The following EVI5 variants were observed in gnomAD, a reference collection of about 807,000 sequenced individuals.
EVI5 encodes ecotropic viral integration site 5, also known as ecotropic viral integration site 5 protein homolog.
In EVI5, 73 loss-of-function variants were observed where a neutral mutation model predicts 112.0. That is an observed-to-expected ratio of 0.65 (90% confidence interval 0.54 to 0.79). The LOEUF (loss-of-function observed/expected upper bound fraction) is 0.79, where lower values mean the gene tolerates loss of function less well. Ranked by LOEUF, EVI5 falls within the 30% of genes least tolerant of loss-of-function variation. The pLI is 0.00. For synonymous variants in EVI5, 305 were observed against 319.9 expected, an observed-to-expected ratio of 0.95 and a Z score of 0.50; for missense variants, 900 against 968.8, an observed-to-expected ratio of 0.93 and a Z score of 0.94.
chr1:92,726,237 A>G (rs898366936), intron 2 of EVI5, among the ~76,000 whole-genome samples: 9 of 152,196 alleles, frequency 5.9e-5, no homozygotes, highest in Admixed American at 2.0e-4. Context: ...AGAAACATGG[A>G]AAAAACAATG....
Position 92,624,280 on chromosome 1 carries a change from T to G in EVI5, c.1723A>C (p.Met575Leu). ...ATCAGTTCATCTTGTAACTCATTCATAGCATTTTTCTTGGGTGGGTCTTTC... is the reference window on the plus strand; with the variant it reads ...ATCAGTTCATCTTGTAACTCATTCAGAGCATTTTTCTTGGGTGGGTCTTTC... ...RWKDPPKKNA[M>L]NELQDELMTI... The change falls in exon 16 of 20, where the codon ATG (methionine) becomes CTG (leucine). Residue 575 changes from methionine to leucine, a missense_variant. Coordinates refer to ENST00000684568, the MANE Select transcript of EVI5 (RefSeq NM_001350197.2). The G allele has an allele frequency of 6.2e-7, 1 of 1,613,440 alleles. No homozygotes were observed. The highest frequency in any genetic ancestry group is 8.5e-7 in the Non-Finnish European group (1 of 1,179,400).
At chr1:92,650,492 T>C (rs1661896371) in intron 13 of EVI5, among the ~76,000 whole-genome samples, 1 of 152,178 alleles carries the variant, frequency 6.6e-6, no homozygotes. Context: ...CTTCTCTAGT[T>C]ATTCATTGCT....
upstream of EVI5, among the ~76,000 whole-genome samples, chr1:92,785,646 C>G (rs893434528): frequency 6.6e-6 from 1 of 152,198 alleles, no homozygotes; most frequent in Non-Finnish European, 1.5e-5. Context: ...AAGATTCAGC[C>G]GGGCAGCCCT....
chr1:92,630,375 T>A (rs374024844), intron 14 of EVI5, among the ~76,000 whole-genome samples: 1 of 152,214 alleles, frequency 6.6e-6, no homozygotes, highest in Non-Finnish European at 1.5e-5. Flanking sequence ...TGGTATGAGA[T>A]GGTATCTCAT....
At chr1:92,549,714 G>A (rs981927863) in intron 19 of EVI5, among the ~76,000 whole-genome samples, 9 of 152,068 alleles carry the variant, frequency 5.9e-5, no homozygotes, top group South Asian at 2.1e-4. Context: ...TTCTCAAAAG[G>A]AGACATTTAT....
intron 15 of EVI5, among the ~76,000 whole-genome samples, chr1:92,624,541 T>A (rs1373139849): frequency 6.6e-6 from 1 of 151,712 alleles, no homozygotes; most frequent in Non-Finnish European, 1.5e-5. Flanking sequence ...CTTAAGTATA[T>A]TTAAGATAGA....
At chr1:92,703,167 T>G (rs999567717) in intron 4 of EVI5, among the ~76,000 whole-genome samples, 2 of 152,174 alleles carry the variant, frequency 1.3e-5, no homozygotes, top group African/African-American at 4.8e-5. Flanking sequence ...TTTTAAGCTA[T>G]TCCATTTCCA....
At position 92,757,272 on chromosome 1, in the gene EVI5, T is replaced by G. The variant is rs535029383; in HGVS notation, c.-81-20645A>C. 5.7e-4 allele frequency among the ~76,000 whole-genome samples: 87 copies of G among 152,342 alleles called. 1 individual carries two copies. The South Asian group carries it at 0.018, about 31-fold the overall frequency. ...ACAGAAAATTTGGACAGACTCCAATTTGCCGTTTTGAGATTTGACCTATGG... is the reference window on the plus strand; with the variant it reads ...ACAGAAAATTTGGACAGACTCCAATGTGCCGTTTTGAGATTTGACCTATGG... On this transcript the variant is annotated intron_variant, in intron 1 of 19. Coordinates refer to ENST00000684568, the MANE Select transcript of EVI5 (RefSeq NM_001350197.2).
chr1:92,760,618 C>T (rs1033977889), intron 1 of EVI5, among the ~76,000 whole-genome samples: 3 of 151,812 alleles, frequency 2.0e-5, no homozygotes, highest in South Asian at 2.1e-4. Context: ...CCTGTAATCC[C>T]AGCTTCTTGA....
intron 9 of EVI5, among the ~76,000 whole-genome samples, chr1:92,691,429 A>G (rs1419380495): frequency 6.6e-6 from 1 of 152,212 alleles, no homozygotes; most frequent in African/African-American, 2.4e-5. Flanking sequence ...ACAGACAATA[A>G]GCAATGGATA....
intron 18 of EVI5, among the ~76,000 whole-genome samples, chr1:92,596,131 T>C (rs1278163036): frequency 6.6e-6 from 1 of 151,936 alleles, no homozygotes; most frequent in Admixed American, 6.6e-5. Flanking sequence ...TCAAGGTGAG[T>C]GCACTGCTTG....
At chr1:92,592,683 AAAG>A (rs1443421444) in intron 18 of EVI5, among the ~76,000 whole-genome samples, 3 of 152,192 alleles carry the variant, frequency 2.0e-5, no homozygotes, top group African/African-American at 7.2e-5. Context: ...CAAGACTAAT[AAAG>A]AAGAAAAGAG....
rs557205928 is a variant in EVI5, at chr1:92,620,141, T to C, written c.1827+4035A>G. Among the ~76,000 whole-genome samples the C allele has an allele frequency of 1.7e-3, 258 of 152,134 alleles. 1 individual carries two copies. Among genetic ancestry groups the C allele is most frequent in the African/African-American group, 5.5e-3 (230 of 41,510 alleles). On this transcript the variant is annotated intron_variant, in intron 16 of 19. Coordinates refer to ENST00000684568, the MANE Select transcript of EVI5 (RefSeq NM_001350197.2). ...GGGCGGATCACCTGAAGTCGGAAGT[T>C]TGAGAACAGCCTGACCAACATGGAG...
At chr1:92,575,694 G>C (rs1378373594) in intron 18 of EVI5, among the ~76,000 whole-genome samples, 1 of 150,166 alleles carries the variant, frequency 6.7e-6, no homozygotes, top group Non-Finnish European at 1.5e-5. Context: ...CTCCCGAGTA[G>C]CTGGAAGTAC....
At chr1:92,710,205 G>A (rs1672639448) in intron 2 of EVI5, among the ~76,000 whole-genome samples, 1 of 151,256 alleles carries the variant, frequency 6.6e-6, no homozygotes, top group Non-Finnish European at 1.5e-5. Context: ...TTAGCCAGGT[G>A]TGGTAGTGCA....
intron 19 of EVI5, 68 bp from the exon 20 acceptor site, chr1:92,514,038 T>C: frequency 7.3e-6 from 7 of 962,128 alleles, no homozygotes; most frequent in African/African-American, 6.6e-5. Flanking sequence ...AAAGCAAACA[T>C]TCCATGTTTA....
At chr1:92,629,714 G>A (rs1656493688) in intron 14 of EVI5, among the ~76,000 whole-genome samples, 1 of 151,394 alleles carries the variant, frequency 6.6e-6, no homozygotes, top group Non-Finnish European at 1.5e-5. Flanking sequence ...TGTGCACAAT[G>A]TGCAGGTTTG....
At chr1:92,744,879 T>C (rs12073961) in intron 1 of EVI5, among the ~76,000 whole-genome samples, 44 of 152,300 alleles carry the variant, frequency 2.9e-4, no homozygotes, top group Middle Eastern at 6.8e-3. Flanking sequence ...GGCATTATTA[T>C]ACACTGTCAA....
At chr1:92,668,504 C>G (rs12131867) in intron 10 of EVI5, among the ~76,000 whole-genome samples, 4 of 152,200 alleles carry the variant, frequency 2.6e-5, no homozygotes, top group Non-Finnish European at 5.9e-5. Context: ...CACCAGACAA[C>G]TGAGTGAATA....
Sources: gnomAD v4.1 joint callset for allele counts (sites outside exome capture counted in the v4.1 genomes callset) on GRCh38, gnomAD v4.1.1 for gene constraint, MANE v1.5 for transcripts, NCBI Gene and HGNC (gene_info 2026-07-23, HGNC 2026-07-21) for gene names.